Variants in CCDC178 observed in about 807,000 individuals in gnomAD.
CCDC178 encodes coiled-coil domain containing 178.
Under a neutral mutation model 117.4 loss-of-function variants are expected in CCDC178, and 126 were observed. That is an observed-to-expected ratio of 1.07 (90% confidence interval 0.93 to 1.24). The LOEUF is 1.24. Ranked by LOEUF, CCDC178 falls within the 50% of genes most tolerant of loss-of-function variation. The probability of loss-of-function intolerance (pLI) is 0.00; values close to 1 mark genes in which losing one functional copy is unlikely to be tolerated. For synonymous variants in CCDC178, 283 were observed against 313.4 expected (o/e 0.90, Z 1.02); for missense variants, 1,030 against 986.9 (o/e 1.04, Z -0.59).
At chr18:33,213,282 T>C (rs1248007560) in intron 19 of CCDC178, among the ~76,000 whole-genome samples, 3 of 152,000 alleles carry the variant, frequency 2.0e-5, no homozygotes, top group Non-Finnish European at 4.4e-5. Flanking sequence ...ATAGCTGTTA[T>C]CAGCAAATTT....
intron 7 of CCDC178, among the ~76,000 whole-genome samples, chr18:33,352,238 C>T (rs2062988444): frequency 6.6e-6 from 1 of 151,938 alleles, no homozygotes; most frequent in Admixed American, 6.6e-5. Flanking sequence ...TCTTTTAATC[C>T]TCTTTATTTC....
intron 20 of CCDC178, among the ~76,000 whole-genome samples, chr18:33,099,534 C>T (rs2057593893): frequency 6.6e-6 from 1 of 151,916 alleles, no homozygotes; most frequent in Non-Finnish European, 1.5e-5. Flanking sequence ...CAAAAGCATC[C>T]CCCACTTTTA....
intron 21 of CCDC178, among the ~76,000 whole-genome samples, chr18:33,074,648 G>C (rs985238933): frequency 4.6e-5 from 7 of 152,144 alleles, no homozygotes; most frequent in Admixed American, 4.6e-4. Context: ...AAAATAGGAA[G>C]TCATGGTGTC....
At chr18:33,253,615 A>G (rs550091780) in intron 14 of CCDC178, among the ~76,000 whole-genome samples, 1 of 152,048 alleles carries the variant, frequency 6.6e-6, no homozygotes, top group South Asian at 2.1e-4. Context: ...AACAATGGAT[A>G]TAGTCAAATG....
At chr18:33,113,230 G>T (rs1165424069) in intron 20 of CCDC178, among the ~76,000 whole-genome samples, 5 of 151,906 alleles carry the variant, frequency 3.3e-5, no homozygotes, top group Non-Finnish European at 5.9e-5. Context: ...ACACTTTTGT[G>T]CACATTAAAT....
chr18:32,951,393 T>A (rs1459500926), intron 22 of CCDC178, among the ~76,000 whole-genome samples: 3 of 152,170 alleles, frequency 2.0e-5, no homozygotes, highest in Non-Finnish European at 4.4e-5. Flanking sequence ...CTAAGGAGAC[T>A]TACAATCATG....
chr18:33,211,962 G>A lies in CCDC178; in HGVS notation c.2172C>T (p.Ile724=). 3 of 1,610,082 alleles carry A rather than the reference G, an allele frequency of 1.9e-6. No homozygotes were observed. Among genetic ancestry groups the A allele is most frequent in the Non-Finnish European group, 2.5e-6 (3 of 1,178,000 alleles). ...CTCTAAATCTCTGATCTTCCTCAAA[G>A]ATTCTCTCTTCACAGTCTTTTTTCT... ...MQEKKDCEER[I]FEEDQRFRVL... Residue 724 remains isoleucine (I), a synonymous_variant, in exon 20 of 23, where the codon ATC becomes ATT. Coordinates refer to ENST00000383096, the MANE Select transcript of CCDC178 (RefSeq NM_001105528.4).
intron 22 of CCDC178, among the ~76,000 whole-genome samples, chr18:32,961,048 C>A (rs2054694223): frequency 6.6e-6 from 1 of 152,034 alleles, no homozygotes; most frequent in Admixed American, 6.6e-5. Flanking sequence ...TATGTATACA[C>A]TTTAAAACAA....
intron 15 of CCDC178, among the ~76,000 whole-genome samples, chr18:33,236,938 C>T (rs998114686): frequency 6.6e-6 from 1 of 152,146 alleles, no homozygotes; most frequent in Non-Finnish European, 1.5e-5. Context: ...GTATTTACTA[C>T]AAGATAATTC....
intron 20 of CCDC178, among the ~76,000 whole-genome samples, chr18:33,132,778 T>C (rs1321795652): frequency 6.6e-6 from 1 of 151,736 alleles, no homozygotes; most frequent in Non-Finnish European, 1.5e-5. Flanking sequence ...AAATAGTATG[T>C]AAATAGTGGT....
Position 33,096,124 on chromosome 18 carries a change from C to CA in CCDC178, c.2239-3215dup, listed in dbSNP as rs2057539185. 2.0e-5 allele frequency among the ~76,000 whole-genome samples: 3 copies of CA among 150,932 alleles called. No individual in the cohort carries two copies. The East Asian group carries it at 5.9e-4, about 30-fold the overall frequency. ...TAGTAGTTCTACTCCCCACCCCCCC[C>CA]ACTTGACTTTTCTTGTTCTTTAAGC... is the stretch of plus-strand genomic sequence containing the variant. On this transcript the variant is annotated intron_variant, in intron 20 of 22. Coordinates refer to ENST00000383096, the MANE Select transcript of CCDC178 (RefSeq NM_001105528.4).
intron 21 of CCDC178, among the ~76,000 whole-genome samples, chr18:33,040,441 G>A (rs561203144): frequency 1.3e-5 from 2 of 152,022 alleles, no homozygotes; most frequent in East Asian, 3.9e-4. Flanking sequence ...AAGAATTTAA[G>A]TGTAAAACTA....
At chr18:33,043,229 T>C (rs2056582285) in intron 21 of CCDC178, among the ~76,000 whole-genome samples, 1 of 152,028 alleles carries the variant, frequency 6.6e-6, no homozygotes, top group Admixed American at 6.6e-5. Context: ...ATAGATATCT[T>C]CTATTTCAGT....
chr18:32,980,384 C>G (rs549462051), intron 21 of CCDC178, among the ~76,000 whole-genome samples: 900 of 151,318 alleles, frequency 5.9e-3, no homozygotes, highest in South Asian at 0.029. Context: ...GAGATCGAGA[C>G]CACGGTGAAA....
At chr18:33,025,049 A>G (rs1004545706) in intron 21 of CCDC178, among the ~76,000 whole-genome samples, 1 of 152,206 alleles carries the variant, frequency 6.6e-6, no homozygotes, top group African/African-American at 2.4e-5. Context: ...ATCCTTACGA[A>G]TACAGATATA....
intron 20 of CCDC178, among the ~76,000 whole-genome samples, chr18:33,126,936 T>C (rs1180303677): frequency 2.0e-5 from 3 of 150,650 alleles, no homozygotes; most frequent in Admixed American, 6.6e-5. Flanking sequence ...ATTATAGGCA[T>C]GAGCCACTGT....
intron 5 of CCDC178, among the ~76,000 whole-genome samples, chr18:33,370,401 CA>C (rs1246888030): frequency 1.3e-4 from 19 of 151,108 alleles, no homozygotes; most frequent in African/African-American, 4.6e-4. Flanking sequence ...AATTCTGTAA[CA>C]AATAAAAATG....
chr18:33,102,423 G>GT, intron 20 of CCDC178, among the ~76,000 whole-genome samples: 1 of 112,758 alleles, frequency 8.9e-6, no homozygotes, highest in East Asian at 2.6e-4. Context: ...GTGCTTTGAA[G>GT]TAAAAAAAAA....
At chr18:33,435,709 A>G (rs1361097275) in intron 2 of CCDC178, among the ~76,000 whole-genome samples, 1 of 150,460 alleles carries the variant, frequency 6.6e-6, no homozygotes, top group Non-Finnish European at 1.5e-5. Context: ...TTATTATAAT[A>G]CAATAATAAT....
Sources: gnomAD v4.1 joint callset for allele counts (sites outside exome capture counted in the v4.1 genomes callset) on GRCh38, gnomAD v4.1.1 for gene constraint, MANE v1.5 for transcripts, NCBI Gene and HGNC (gene_info 2026-07-23, HGNC 2026-07-21) for gene names.